The following ASIC2 variants were observed in gnomAD, a reference collection of about 807,000 sequenced individuals.
ASIC2 encodes the protein acid-sensing ion channel 2.
Under a neutral mutation model 57.3 loss-of-function variants are expected in ASIC2, and 25 were observed. That is an observed-to-expected ratio of 0.44 (90% confidence interval 0.32 to 0.61). The LOEUF (loss-of-function observed/expected upper bound fraction) is 0.61. Ranked by LOEUF, ASIC2 falls within the 20% of genes least tolerant of loss-of-function variation. ASIC2 has a pLI of 0.06. For missense variants in ASIC2, 641 were observed against 738.1 expected, an observed-to-expected ratio of 0.87 and a Z score of 1.52; for synonymous variants, 319 against 307.5, an observed-to-expected ratio of 1.04 and a Z score of -0.39.
At chr17:33,473,467 C>A (rs990955087) in intron 1 of ASIC2, among the ~76,000 whole-genome samples, 6 of 151,724 alleles carry the variant, frequency 4.0e-5, no homozygotes, top group Admixed American at 3.9e-4. Context: ...GAAATGCCAG[C>A]CTTTGGAGGC....
At chr17:33,784,804 G>GC (rs1911555104) in intron 1 of ASIC2, among the ~76,000 whole-genome samples, 1 of 152,186 alleles carries the variant, frequency 6.6e-6, no homozygotes. Context: ...TCTAGAGACT[G>GC]CCCCAGAAAG....
At chr17:33,020,276 A>C (rs926600470) in intron 7 of ASIC2, among the ~76,000 whole-genome samples, 6 of 152,122 alleles carry the variant, frequency 3.9e-5, no homozygotes, top group African/African-American at 1.4e-4. Context: ...CCATCACAAC[A>C]AGCTCATAAA....
At chr17:33,576,317 G>C (rs1916619373) in intron 1 of ASIC2, among the ~76,000 whole-genome samples, 1 of 152,140 alleles carries the variant, frequency 6.6e-6, no homozygotes, top group Admixed American at 6.5e-5. Flanking sequence ...GCCATTTTCA[G>C]CTCTATGACC....
At chr17:33,566,377 G>A (rs952333620) in intron 1 of ASIC2, among the ~76,000 whole-genome samples, 8 of 152,160 alleles carry the variant, frequency 5.3e-5, no homozygotes, top group African/African-American at 1.9e-4. Context: ...CTCTAACCAA[G>A]GCTCAGCTGA....
intron 1 of ASIC2, among the ~76,000 whole-genome samples, chr17:33,468,874 A>G (rs1219175847): frequency 6.6e-6 from 1 of 152,184 alleles, no homozygotes; most frequent in Non-Finnish European, 1.5e-5. Context: ...CTCTCAGGGT[A>G]CGGCTAATGG....
chr17:34,056,393 GTTTT>G (rs1567803400), intron 1 of ASIC2, among the ~76,000 whole-genome samples: 1 of 152,154 alleles, frequency 6.6e-6, no homozygotes, highest in African/African-American at 2.4e-5. Flanking sequence ...TGGAAAATGG[GTTTT>G]GTTTTATGAA....
At chr17:33,573,282 G>A (rs985362809) in intron 1 of ASIC2, among the ~76,000 whole-genome samples, 8 of 152,082 alleles carry the variant, frequency 5.3e-5, no homozygotes, top group African/African-American at 1.9e-4. Flanking sequence ...TATTTTCTTT[G>A]TCATTTAACT....
intron 1 of ASIC2, chr17:33,533,898 C>G (rs1426918994): frequency 1.3e-5 from 2 of 152,228 alleles, no homozygotes; most frequent in Non-Finnish European, 2.9e-5. Context: ...CAAAAACTCT[C>G]TGCACCTCAA....
chr17:33,338,457 T>C (rs1907607652), intron 1 of ASIC2, among the ~76,000 whole-genome samples: 1 of 152,046 alleles, frequency 6.6e-6, no homozygotes, highest in Non-Finnish European at 1.5e-5. Context: ...GGAGGTGATA[T>C]CCAGCTTGGA....
chr17:33,513,340 G>A (rs950640375), intron 1 of ASIC2, among the ~76,000 whole-genome samples: 2 of 152,228 alleles, frequency 1.3e-5, no homozygotes, highest in East Asian at 3.8e-4. Flanking sequence ...TAGAGGCATT[G>A]AGTGCTATAA....
At chr17:33,266,699 C>G (rs570390017) in intron 1 of ASIC2, among the ~76,000 whole-genome samples, 3 of 152,014 alleles carry the variant, frequency 2.0e-5, no homozygotes, top group African/African-American at 7.3e-5. Flanking sequence ...AGTGGATGAT[C>G]GCTATGATTA....
rs117230043 is a variant in ASIC2 at position 33,175,239 on chromosome 17, C to T, written c.709-63172G>A. Among the ~76,000 whole-genome samples the T allele has an allele frequency of 2.2e-3, 331 of 152,230 alleles. No individual in the cohort carries two copies. The South Asian group carries it at 0.034, about 15-fold the overall frequency. ...TTTTCTTTTGCAAAACTTCTTTCTC[C>T]GACATTGATTCTTTGCACAGTTTTC... On this transcript the variant is annotated intron_variant, in intron 1 of 9. Transcript: ENST00000225823.
chr17:33,261,830 G>A (rs957327862), intron 1 of ASIC2, among the ~76,000 whole-genome samples: 2 of 152,160 alleles, frequency 1.3e-5, no homozygotes, highest in African/African-American at 4.8e-5. Flanking sequence ...GTGAACGTGG[G>A]GGGTGCTGGC....
chr17:33,742,340 A>AT (rs1910137780), intron 1 of ASIC2, among the ~76,000 whole-genome samples: 1 of 151,508 alleles, frequency 6.6e-6, no homozygotes, highest in African/African-American at 2.4e-5. Flanking sequence ...CCTCCCTCTC[A>AT]TTTTTTTTCT....
intron 1 of ASIC2, among the ~76,000 whole-genome samples, chr17:33,343,221 G>A (rs528251631): frequency 5.3e-5 from 8 of 152,300 alleles, no homozygotes; most frequent in Non-Finnish European, 1.0e-4. Context: ...CCACTTACAC[G>A]TTCAGGGCTA....
chr17:33,133,493 G>C (rs2092355805), intron 1 of ASIC2, among the ~76,000 whole-genome samples: 1 of 152,210 alleles, frequency 6.6e-6, no homozygotes, highest in Non-Finnish European at 1.5e-5. Flanking sequence ...AATCCCCAGA[G>C]TTGCCTTACA....
intron 1 of ASIC2, among the ~76,000 whole-genome samples, chr17:33,272,615 A>C (rs1567806221): frequency 6.6e-6 from 1 of 152,054 alleles, no homozygotes; most frequent in Non-Finnish European, 1.5e-5. Flanking sequence ...CCATTCCTCC[A>C]TCATCGTCAT....
chr17:33,752,623 A>G (rs912424290), intron 1 of ASIC2, among the ~76,000 whole-genome samples: 4 of 152,224 alleles, frequency 2.6e-5, no homozygotes, highest in Admixed American at 6.5e-5. Context: ...TGGGGACTGG[A>G]TAGACCATTT....
At chr17:33,165,970 G>A (rs189853698) in intron 1 of ASIC2, among the ~76,000 whole-genome samples, 15 of 152,062 alleles carry the variant, frequency 9.9e-5, no homozygotes, top group Non-Finnish European at 2.2e-4. Context: ...ATACATTAAA[G>A]AATAAAAGAC....
Sources: allele counts gnomAD v4.1 joint callset (sites outside exome capture counted in the v4.1 genomes callset), GRCh38; gene constraint gnomAD v4.1.1; transcripts MANE v1.5; gene names NCBI Gene and HGNC (gene_info 2026-07-23, HGNC 2026-07-21).